TANGO6: variants seen among roughly 807,000 people sequenced by gnomAD.
The protein encoded by TANGO6 is transport and golgi organization 6 homolog.
A neutral mutation model predicts 114.2 loss-of-function variants in TANGO6; 90 were observed. That is an observed-to-expected ratio of 0.79 (90% CI 0.66 to 0.94). TANGO6 has a LOEUF of 0.94. Ranked by LOEUF, TANGO6 falls within the 40% of genes least tolerant of loss-of-function variation. The pLI, the probability that TANGO6 is intolerant of heterozygous loss-of-function variation, is 0.00. For synonymous variants in TANGO6, 477 were observed against 509.8 expected, an observed-to-expected ratio of 0.94 and a Z score of 0.87; for missense variants, 1,274 against 1,315.3, an observed-to-expected ratio of 0.97 and a Z score of 0.49.
At chr16:69,020,049 T>C (rs941191744) in intron 15 of TANGO6, among the ~76,000 whole-genome samples, 1 of 152,226 alleles carries the variant, frequency 6.6e-6, no homozygotes, top group Non-Finnish European at 1.5e-5. Context: ...TTTGTCATTG[T>C]ACAAACATCA....
chr16:68,949,833 T>TTA (rs372358827), intron 14 of TANGO6, among the ~76,000 whole-genome samples: 5,237 of 150,952 alleles, frequency 0.035, 305 homozygotes, highest in African/African-American at 0.12. Context: ...AAGTTTATAT[T>TTA]TATATATATA....
In TANGO6 at chr16:68,970,725, GT is replaced by G. The variant is rs1429009417; in HGVS notation, c.2702-3300del. Reference sequence around the variant, plus strand: ...ACAGTAAGAGGGACTTTAGTAATAGGTTTCAGAAAAGCTAGAAATAGATCAA... The same window carrying G: ...ACAGTAAGAGGGACTTTAGTAATAGGTTCAGAAAAGCTAGAAATAGATCAA... On this transcript the variant is annotated intron_variant, in intron 14 of 17. Transcript: ENST00000261778. 5.9e-5 allele frequency among the ~76,000 whole-genome samples: 9 copies of G among 151,438 alleles called. No homozygotes were observed. The Middle Eastern group carries it at 0.01, about 177-fold the overall frequency.
chr16:69,025,022 G>A (rs2152228925), intron 16 of TANGO6, among the ~76,000 whole-genome samples: 1 of 152,126 alleles, frequency 6.6e-6, no homozygotes, highest in South Asian at 2.1e-4. Context: ...TGGCCAGGCT[G>A]GTCTTGAATT....
intron 14 of TANGO6, among the ~76,000 whole-genome samples, chr16:68,949,081 G>A (rs1258145508): frequency 1.3e-5 from 2 of 152,250 alleles, no homozygotes; most frequent in Non-Finnish European, 2.9e-5. Flanking sequence ...AGCTACCTGG[G>A]AGGCTGAGGC....
intron 14 of TANGO6, among the ~76,000 whole-genome samples, chr16:68,948,953 AAG>A (rs1963443680): frequency 6.6e-6 from 1 of 151,506 alleles, no homozygotes; most frequent in African/African-American, 2.4e-5. Flanking sequence ...TTGGGAGGCC[AAG>A]GTGGGCGGAT....
chr16:69,030,254 T>C (rs1403255230), intron 16 of TANGO6, among the ~76,000 whole-genome samples: 1 of 151,858 alleles, frequency 6.6e-6, no homozygotes, highest in African/African-American at 2.4e-5. Flanking sequence ...CTTCTGGGCA[T>C]GGGTAATCTG....
chr16:68,909,336 T>C lies in TANGO6; in HGVS notation c.1926T>C (p.Leu642=), dbSNP rs781169990. Reference sequence around the variant, plus strand: ...TGGAAGGCCAAGAGCGGAAGCTGCTTGTCCTGCAGCTGATGGCTGTTCTGT... The same window carrying C: ...TGGAAGGCCAAGAGCGGAAGCTGCTCGTCCTGCAGCTGATGGCTGTTCTGT... ...LLVEGQERKL[L]VLQLMAVLCE... The change falls in exon 11 of 18, where the codon CTT becomes CTC. Residue 642 remains leucine, a synonymous_variant. Coordinates refer to ENST00000261778, the MANE Select transcript of TANGO6 (RefSeq NM_024562.2). 6.2e-7 allele frequency: 1 copy of C among 1,608,936 alleles called. No individual in the cohort carries two copies. Among genetic ancestry groups the C allele is most frequent in the Admixed American group, 1.7e-5 (1 of 59,440 alleles).
rs764209359 is a variant in TANGO6, at chr16:68,962,929, G to GAA, written c.2702-11085_2702-11084dup. Among the ~76,000 whole-genome samples the GAA allele has an allele frequency of 2.2e-3, 276 of 128,348 alleles. 2 individuals are homozygous for GAA. Among genetic ancestry groups the GAA allele is most frequent in the African/African-American group, 7.3e-3 (255 of 35,168 alleles). 84.2% of individuals were successfully genotyped at this position (128,348 alleles called of 152,430 possible). A position where few individuals can be genotyped will look rare whatever the true frequency, so the allele number is the denominator to read the frequency against. ...GAAACCCTGTCTCTACTCAAAATAT[G>GAA]AAAAAAAAAAAAAAATTAGCCTGGC... On this transcript the variant is annotated intron_variant, in intron 14 of 17. Coordinates refer to ENST00000261778, the MANE Select transcript of TANGO6 (RefSeq NM_024562.2).
intron 14 of TANGO6, among the ~76,000 whole-genome samples, chr16:68,947,282 C>T (rs1451215076): frequency 2.6e-5 from 4 of 151,878 alleles, no homozygotes; most frequent in South Asian, 2.1e-4. Flanking sequence ...ATGGTGAAAC[C>T]GTCTCTACTA....
At chr16:68,887,095 A>G (rs761688114) in intron 7 of TANGO6, among the ~76,000 whole-genome samples, 21 of 152,248 alleles carry the variant, frequency 1.4e-4, no homozygotes, top group Non-Finnish European at 2.6e-4. Flanking sequence ...GGCATGAGCC[A>G]CCATGCTCGG....
Position 68,919,108 on chromosome 16 carries a change from A to G in TANGO6, c.2016A>G (p.Thr672=). ...AGGTGGTGGACTTTGTAGCAGCAAC[A>G]TTGCAGAGAGCCTGTGCAAGCCTGG... ...VTQVVDFVAA[T]LQRACASLAH... is the part of the protein sequence containing the mutation. The change falls in exon 12 of 18, where the codon ACA becomes ACG. Residue 672 remains threonine, a synonymous_variant. Transcript: ENST00000261778. 2 of 1,613,314 alleles carry G rather than the reference A, an allele frequency of 1.2e-6. No individual in the cohort carries two copies. Among genetic ancestry groups the G allele is most frequent in the South Asian group, 1.1e-5 (1 of 90,908 alleles).
chr16:68,843,570 C>A lies in TANGO6; in HGVS notation c.-48C>A. ...CACTTAACATGGCGGCGGCGGCGCC[C>A]TGCCGAGGCGCCTGAGCGGGTCGCG... is the stretch of plus-strand genomic sequence containing the variant. On this transcript the variant is annotated 5_prime_UTR_variant, in exon 1 of 18. It adds an upstream start codon to the 5' untranslated region. Coordinates refer to ENST00000261778, the MANE Select transcript of TANGO6 (RefSeq NM_024562.2). 1 of 1,576,378 alleles carries A rather than the reference C, an allele frequency of 6.3e-7. No homozygotes were observed. The highest frequency in any genetic ancestry group is 8.7e-7 in the Non-Finnish European group (1 of 1,153,182).
chr16:68,959,517 G>A (rs759366564), intron 14 of TANGO6, among the ~76,000 whole-genome samples: 8 of 151,932 alleles, frequency 5.3e-5, no homozygotes, highest in Admixed American at 1.3e-4. Context: ...AACCTGGGGG[G>A]TGGAGGTTGC....
At chr16:68,960,646 G>A (rs1963579636) in intron 14 of TANGO6, among the ~76,000 whole-genome samples, 1 of 152,084 alleles carries the variant, frequency 6.6e-6, no homozygotes, top group Non-Finnish European at 1.5e-5. Context: ...GATTGCAAGT[G>A]TACGCCACCA....
At chr16:68,968,353 C>T (rs190932008) in intron 14 of TANGO6, among the ~76,000 whole-genome samples, 5 of 151,488 alleles carry the variant, frequency 3.3e-5, no homozygotes, top group African/African-American at 7.3e-5. Flanking sequence ...TGTCAGCTAC[C>T]GCACCTGGCC....
At chr16:69,016,542 A>G (rs1959300896) in intron 15 of TANGO6, among the ~76,000 whole-genome samples, 1 of 152,188 alleles carries the variant, frequency 6.6e-6, no homozygotes, top group Non-Finnish European at 1.5e-5. Flanking sequence ...TTAGCTACCA[A>G]GAATTGTAAA....
At chr16:68,919,053 C>G in intron 11 of TANGO6, 32 bp from the exon 12 acceptor site, 1 of 1,581,336 alleles carries the variant, frequency 6.3e-7, no homozygotes, top group Non-Finnish European at 8.6e-7. Flanking sequence ...TTTTTCATTC[C>G]TCATTGATTC....
chr16:68,950,732 A>C (rs901548381), intron 14 of TANGO6, among the ~76,000 whole-genome samples: 6 of 110,502 alleles, frequency 5.4e-5, no homozygotes, highest in African/African-American at 2.1e-4. Flanking sequence ...GGTGGCGGGC[A>C]CCTGTGATCC....
intron 15 of TANGO6, among the ~76,000 whole-genome samples, chr16:68,990,080 C>T (rs1371839241): frequency 6.6e-6 from 1 of 152,078 alleles, no homozygotes; most frequent in Non-Finnish European, 1.5e-5. Context: ...GTCACTCAGG[C>T]TGGAGTGCAG....
Sources: allele counts gnomAD v4.1 joint callset (sites outside exome capture counted in the v4.1 genomes callset), GRCh38; gene constraint gnomAD v4.1.1; transcripts MANE v1.5; gene names NCBI Gene and HGNC (gene_info 2026-07-23, HGNC 2026-07-21).